CSMD1: variants seen among roughly 807,000 people sequenced by gnomAD.
CSMD1 encodes the protein CUB and sushi domain-containing protein 1.
A neutral mutation model predicts 417.5 loss-of-function variants in CSMD1; 213 were observed. The observed-to-expected ratio is 0.51, with a 90% CI of 0.46 to 0.57. The LOEUF (loss-of-function observed/expected upper bound fraction) is 0.57. Among genes scored for constraint, CSMD1 ranks in the 20% least tolerant of loss-of-function variants. CSMD1 has a pLI of 0.00. For missense variants in CSMD1, 6,923 were observed against 4,529.7 expected (o/e 1.53, Z -15.17); for synonymous variants, 2,862 against 1,736.8 (o/e 1.65, Z -16.11).
intron 1 of CSMD1, among the ~76,000 whole-genome samples, chr8:4,867,448 A>G (rs1802481891): frequency 6.6e-6 from 1 of 152,120 alleles, no homozygotes; most frequent in Non-Finnish European, 1.5e-5. Context: ...ATTCCAATAA[A>G]GTATAATTAT....
At position 3,274,897 on chromosome 8, in the gene CSMD1, G is replaced by A. The variant is rs975299361; in HGVS notation, c.4153+9247C>T. Among the ~76,000 whole-genome samples, 41 of 152,258 alleles carry A rather than the reference G, an allele frequency of 2.7e-4. 1 individual carries two copies. The highest frequency in any genetic ancestry group is 3.4e-3 in the Middle Eastern group (1 of 294). ...CTCTGTGTCCAGTTTGCCAGTCTGTGTCTTTTAATTGGTGCATTTAGTCCA... is the reference window on the plus strand; with the variant it reads ...CTCTGTGTCCAGTTTGCCAGTCTGTATCTTTTAATTGGTGCATTTAGTCCA... On this transcript the variant is annotated intron_variant, in intron 26 of 69. Transcript: ENST00000635120.
chr8:4,130,149 A>C (rs917168327), intron 3 of CSMD1, among the ~76,000 whole-genome samples: 21 of 152,138 alleles, frequency 1.4e-4, no homozygotes, highest in African/African-American at 5.1e-4. Flanking sequence ...TGCTTATTTT[A>C]CTGAAAAAGA....
At chr8:3,472,097 C>T (rs1233817417) in intron 11 of CSMD1, among the ~76,000 whole-genome samples, 3 of 152,090 alleles carry the variant, frequency 2.0e-5, no homozygotes, top group Non-Finnish European at 2.9e-5. Context: ...TAGCCCCTGG[C>T]TTGTTGTCAT....
At chr8:3,586,800 G>C (rs1294026431) in intron 8 of CSMD1, among the ~76,000 whole-genome samples, 3 of 152,104 alleles carry the variant, frequency 2.0e-5, no homozygotes, top group Non-Finnish European at 2.9e-5. Flanking sequence ...TCTTTTGTTT[G>C]TTTGTTTGTT....
intron 47 of CSMD1, among the ~76,000 whole-genome samples, chr8:3,096,284 C>T (rs908671798): frequency 1.3e-5 from 2 of 152,160 alleles, no homozygotes; most frequent in African/African-American, 4.8e-5. Flanking sequence ...CAAATCTCTT[C>T]TTGAATTGTA....
At chr8:3,211,869 G>T (rs921707924) in intron 30 of CSMD1, among the ~76,000 whole-genome samples, 1 of 152,194 alleles carries the variant, frequency 6.6e-6, no homozygotes, top group African/African-American at 2.4e-5. Context: ...GGCATGCACT[G>T]CCCAGGCCGC....
chr8:3,815,776 G>C (rs947869508), intron 5 of CSMD1, among the ~76,000 whole-genome samples: 3 of 151,968 alleles, frequency 2.0e-5, no homozygotes, highest in East Asian at 1.9e-4. Flanking sequence ...TTGTTCATTT[G>C]ATCTATAGTA....
intron 1 of CSMD1, among the ~76,000 whole-genome samples, chr8:4,846,477 C>A (rs1242467509): frequency 6.6e-6 from 1 of 152,194 alleles, no homozygotes; most frequent in Middle Eastern, 3.2e-3. Flanking sequence ...GTTGACTGAG[C>A]CTGTGACCAG....
At chr8:4,698,583 A>C (rs1406420970) in intron 1 of CSMD1, among the ~76,000 whole-genome samples, 1 of 139,692 alleles carries the variant, frequency 7.2e-6, no homozygotes, top group South Asian at 2.4e-4. Context: ...TTTTTATACA[A>C]TGGAAATGAT....
intron 5 of CSMD1, among the ~76,000 whole-genome samples, chr8:3,903,476 G>C (rs934930676): frequency 2.0e-5 from 3 of 152,144 alleles, no homozygotes; most frequent in African/African-American, 7.2e-5. Context: ...AAAGTCTAAA[G>C]TGGTATTATC....
At chr8:4,580,990 AG>A (rs1563305988) in intron 2 of CSMD1, among the ~76,000 whole-genome samples, 4 of 152,216 alleles carry the variant, frequency 2.6e-5, no homozygotes. Context: ...TCCTTATTCC[AG>A]TGCCTCACAT....
At chr8:4,049,038 T>C (rs894377130) in intron 3 of CSMD1, among the ~76,000 whole-genome samples, 9 of 152,292 alleles carry the variant, frequency 5.9e-5, no homozygotes, top group Middle Eastern at 3.4e-3. Context: ...TCACCACCCA[T>C]CTCAACAACT....
intron 1 of CSMD1, among the ~76,000 whole-genome samples, chr8:4,912,656 G>T (rs1313791197): frequency 1.3e-5 from 2 of 152,158 alleles, no homozygotes. Context: ...ATGTAGGTCA[G>T]GAACCAAAGA....
intron 5 of CSMD1, among the ~76,000 whole-genome samples, chr8:3,850,032 G>T (rs369515704): frequency 2.0e-5 from 3 of 151,898 alleles, no homozygotes; most frequent in Non-Finnish European, 2.9e-5. Flanking sequence ...CTGACCTCAG[G>T]TGATCCACCA....
chr8:4,583,596 A>G (rs901334169), intron 2 of CSMD1, among the ~76,000 whole-genome samples: 5 of 151,864 alleles, frequency 3.3e-5, no homozygotes, highest in African/African-American at 7.3e-5. Context: ...GAGTGCACCA[A>G]TGGACACTGT....
At chr8:3,611,325 T>G (rs1230126450) in intron 8 of CSMD1, among the ~76,000 whole-genome samples, 2 of 152,030 alleles carry the variant, frequency 1.3e-5, no homozygotes, top group East Asian at 3.9e-4. Context: ...GAATACGTAA[T>G]GTGTCTCTAG....
chr8:4,778,028 G>T (rs1796957790), intron 1 of CSMD1, among the ~76,000 whole-genome samples: 1 of 152,152 alleles, frequency 6.6e-6, no homozygotes, highest in Non-Finnish European at 1.5e-5. Context: ...CGTTCTAGAT[G>T]GTAGTGGAGA....
intron 3 of CSMD1, among the ~76,000 whole-genome samples, chr8:4,068,753 A>C (rs1012361373): frequency 6.6e-6 from 1 of 152,230 alleles, no homozygotes; most frequent in African/African-American, 2.4e-5. Context: ...TCTGTACCAT[A>C]AAATAATGAT....
At chr8:4,363,730 T>C (rs996958256) in intron 3 of CSMD1, among the ~76,000 whole-genome samples, 1 of 152,204 alleles carries the variant, frequency 6.6e-6, no homozygotes, top group African/African-American at 2.4e-5. Context: ...TCCACCCATG[T>C]TGTTGCAAAA....
Sources: gnomAD v4.1 joint callset for allele counts (sites outside exome capture counted in the v4.1 genomes callset) on GRCh38, gnomAD v4.1.1 for gene constraint, MANE v1.5 for transcripts, NCBI Gene and HGNC (gene_info 2026-07-23, HGNC 2026-07-21) for gene names.